PCDHA6: variants seen among roughly 807,000 people sequenced by gnomAD.
The protein encoded by PCDHA6 is protocadherin alpha 6.
A neutral mutation model predicts 60.3 loss-of-function variants in PCDHA6; 55 were observed. The ratio of observed to expected loss-of-function variants is 0.91; its 90% CI spans 0.73 to 1.14. The LOEUF is 1.14. Among genes scored for constraint, PCDHA6 ranks in the 50% most tolerant of loss-of-function variants. The pLI is 0.00. For missense variants in PCDHA6, 1,327 were observed against 1,256.5 expected (o/e 1.06, Z -0.85); for synonymous variants, 652 against 557.9 (o/e 1.17, Z -2.38).
At position 140,938,754 on chromosome 5, in the gene PCDHA6, A is replaced by G. The variant is rs79400957; in HGVS notation, c.2395-40195A>G. Among the ~76,000 whole-genome samples the G allele has an allele frequency of 2.9e-3, 442 of 152,274 alleles. 1 individual carries two copies. Among genetic ancestry groups the G allele is most frequent in the African/African-American group, 0.01 (423 of 41,554 alleles). The stretch of plus-strand genomic sequence containing the variant: ...AAAAAATAATTATTTTTAAAGGCAT[A>G]GTTATTGGGTACTAGACTTAGTACC... On this transcript the variant is annotated intron_variant, in intron 1 of 3. Transcript: ENST00000529310.
intron 1 of PCDHA6, among the ~76,000 whole-genome samples, chr5:140,935,180 T>C (rs781934014): frequency 3.9e-5 from 6 of 152,214 alleles, no homozygotes; most frequent in Non-Finnish European, 7.3e-5. Flanking sequence ...TTATTGCTGC[T>C]GGGTCAGTTG....
chr5:140,942,588 A>G lies in PCDHA6; in HGVS notation c.2395-36361A>G, dbSNP rs1416575390. Among the ~76,000 whole-genome samples the G allele has an allele frequency of 2.0e-5, 3 of 149,704 alleles. No homozygotes were observed. The East Asian group carries it at 5.9e-4, about 29-fold the overall frequency. ...AAAATCTTCCCATATAGGATGTCAC[A>G]TATAATTATAGTGTTTATATTTGCC... On this transcript the variant is annotated intron_variant, in intron 1 of 3. Transcript: ENST00000529310.
intron 1 of PCDHA6, among the ~76,000 whole-genome samples, chr5:140,930,607 G>T (rs536411934): frequency 2.4e-4 from 36 of 152,252 alleles, no homozygotes; most frequent in African/African-American, 7.5e-4. Flanking sequence ...AATCCTAGAT[G>T]CAAGAGAAGG....
chr5:140,857,073 A>G (rs782238591), intron 1 of PCDHA6: 1 of 1,596,904 alleles, frequency 6.3e-7, no homozygotes, highest in East Asian at 2.2e-5. Context: ...CTACTGGATG[A>G]AAATGATAAT....
intron 1 of PCDHA6, among the ~76,000 whole-genome samples, chr5:140,978,488 C>T (rs1453613410): frequency 6.6e-6 from 1 of 152,224 alleles, no homozygotes; most frequent in Non-Finnish European, 1.5e-5. Flanking sequence ...TCTGCAAAGC[C>T]AGCAGCAGAT....
At position 141,011,322 on chromosome 5, in the gene PCDHA6, C is replaced by T. The variant is rs1210973958; in HGVS notation, c.*1385C>T. The T allele has an allele frequency of 2.0e-5, 3 of 153,698 alleles. No individual in the cohort carries two copies. The highest frequency in any genetic ancestry group is 7.2e-5 in the African/African-American group (3 of 41,430). The allele number at this position is 153,698 out of a possible 1,614,324, so 9.5% of individuals were successfully genotyped here. On this transcript the variant is annotated 3_prime_UTR_variant, in exon 4 of 4. Coordinates refer to ENST00000529310, the MANE Select transcript of PCDHA6 (RefSeq NM_018909.4). Reference sequence around the variant, plus strand: ...CTCTGAATTGCTAATCTTACTAACACCTATGATGTTACCTGAAATCAATCT... The same window carrying T: ...CTCTGAATTGCTAATCTTACTAACATCTATGATGTTACCTGAAATCAATCT...
chr5:140,995,949 G>T (rs781875497), intron 3 of PCDHA6, among the ~76,000 whole-genome samples: 1 of 152,160 alleles, frequency 6.6e-6, no homozygotes, highest in African/African-American at 2.4e-5. Context: ...CATAATGCAC[G>T]CAAAATGCTT....
At chr5:140,927,505 G>T (rs782722913) in intron 1 of PCDHA6, 1 of 1,614,120 alleles carries the variant, frequency 6.2e-7, no homozygotes, top group East Asian at 2.2e-5. Flanking sequence ...GGTGCTTACA[G>T]CTCGGGACGG....
chr5:140,844,335 A>G lies in PCDHA6; in HGVS notation c.2394+13850A>G, dbSNP rs1192632609. On this transcript the variant is annotated intron_variant, in intron 1 of 3. Transcript: ENST00000529310. The stretch of plus-strand genomic sequence containing the variant: ...TTCCTAATTTTATTATAAACTAGTT[A>G]AAAAGTAAAATCAAGAGGGAAGAGA... Among the ~76,000 whole-genome samples, 3 of 149,508 alleles carry G rather than the reference A, an allele frequency of 2.0e-5. No individual in the cohort carries two copies. In the South Asian group the frequency reaches 6.4e-4, roughly 32 times the overall value.
intron 1 of PCDHA6, chr5:140,968,123 C>T (rs782499744): frequency 1.1e-5 from 17 of 1,614,058 alleles, no homozygotes; most frequent in Admixed American, 3.3e-5. Context: ...CACATCCCTG[C>T]GTACACTGAA....
chr5:140,903,713 A>G (rs1391210068), intron 1 of PCDHA6, among the ~76,000 whole-genome samples: 1 of 152,206 alleles, frequency 6.6e-6, no homozygotes, highest in Non-Finnish European at 1.5e-5. Flanking sequence ...TAAAATATAC[A>G]ATTCTCCCTA....
At chr5:140,841,815 ACTC>A in intron 1 of PCDHA6, 1 of 1,613,826 alleles carries the variant, frequency 6.2e-7, no homozygotes, top group Non-Finnish European at 8.5e-7. Flanking sequence ...GTTGGAGCTA[ACTC>A]CGTGTTAACC....
intron 1 of PCDHA6, among the ~76,000 whole-genome samples, chr5:140,941,542 C>T (rs782270560): frequency 4.0e-5 from 6 of 151,842 alleles, no homozygotes; most frequent in Non-Finnish European, 7.4e-5. Context: ...GTCTTGAACT[C>T]CTGACCTCGT....
chr5:140,898,228 C>T (rs1302111875), intron 1 of PCDHA6, among the ~76,000 whole-genome samples: 1 of 152,118 alleles, frequency 6.6e-6, no homozygotes, highest in Non-Finnish European at 1.5e-5. Flanking sequence ...CTTTTGTTGC[C>T]ATTGCTTTTG....
chr5:140,884,512 G>T (rs782026771), intron 1 of PCDHA6: 1 of 1,614,202 alleles, frequency 6.2e-7, no homozygotes, highest in South Asian at 1.1e-5. Flanking sequence ...CAGGGAGTTG[G>T]TCGTACTCGC....
At chr5:140,983,239 C>A (rs557831259) in intron 3 of PCDHA6, among the ~76,000 whole-genome samples, 53 of 152,294 alleles carry the variant, frequency 3.5e-4, no homozygotes, top group African/African-American at 1.2e-3. Context: ...GGAAAGAGAA[C>A]CTGCTAAGTT....
intron 1 of PCDHA6, chr5:140,841,697 G>A (rs1777423806): frequency 2.5e-6 from 4 of 1,613,882 alleles, no homozygotes; most frequent in African/African-American, 1.3e-5. Flanking sequence ...GGTGAAGGAT[G>A]TTAATGACAA....
intron 1 of PCDHA6, among the ~76,000 whole-genome samples, chr5:140,886,239 TAAATA>T (rs2060905359): frequency 6.6e-6 from 1 of 152,062 alleles, no homozygotes; most frequent in African/African-American, 2.4e-5. Context: ...ACTTCAGAAA[TAAATA>T]AAAGTATCTC....
intron 3 of PCDHA6, among the ~76,000 whole-genome samples, chr5:140,992,722 C>T (rs1455058842): frequency 1.3e-5 from 2 of 152,154 alleles, no homozygotes; most frequent in Non-Finnish European, 2.9e-5. Context: ...ATTCGTAAAT[C>T]CCACCTGCTT....
Sources: gnomAD v4.1 joint callset for allele counts (sites outside exome capture counted in the v4.1 genomes callset) on GRCh38, gnomAD v4.1.1 for gene constraint, MANE v1.5 for transcripts, NCBI Gene and HGNC (gene_info 2026-07-23, HGNC 2026-07-21) for gene names.